GDAP1L1: variants seen among roughly 807,000 people sequenced by gnomAD.
GDAP1L1 encodes ganglioside induced differentiation associated protein 1 like 1, also known as ganglioside-induced differentiation-associated protein 1-like 1.
Under a neutral mutation model 37.1 loss-of-function variants are expected in GDAP1L1, and 21 were observed. That is an observed-to-expected ratio of 0.57 (90% confidence interval 0.40 to 0.81). The LOEUF is 0.81. Among genes scored for constraint, GDAP1L1 ranks in the 40% least tolerant of loss-of-function variants. GDAP1L1 has a pLI of 0.00. For synonymous variants in GDAP1L1, 193 were observed against 209.1 expected, an observed-to-expected ratio of 0.92 and a Z score of 0.67; for missense variants, 362 against 491.6, an observed-to-expected ratio of 0.74 and a Z score of 2.49.
chr20:44,275,700 T>A (rs2062565608), intron 5 of GDAP1L1, among the ~76,000 whole-genome samples: 3 of 152,138 alleles, frequency 2.0e-5, no homozygotes, highest in Admixed American at 1.3e-4. Context: ...ACTTGGACAT[T>A]AAGGTGTAGT....
At chr20:44,276,168 CAAAA>C (rs58388010) in intron 5 of GDAP1L1, among the ~76,000 whole-genome samples, 41,655 of 137,580 alleles carry the variant, frequency 0.3, 6,388 homozygotes, top group East Asian at 0.51. Context: ...GTAAAAATAC[CAAAA>C]AAAAAAAAAA....
chr20:44,278,953 C>G lies in GDAP1L1; in HGVS notation c.761-4C>G. On this transcript the variant is annotated splice_polypyrimidine_tract_variant and splice_region_variant and intron_variant, in intron 5 of 5. Transcript: ENST00000342560. ...CCCCTTGCCTCCTCTTTCTTCCACTCTAGGGCAGAAATGCGAGCTGTGGCT... is the reference window on the plus strand; with the variant it reads ...CCCCTTGCCTCCTCTTTCTTCCACTGTAGGGCAGAAATGCGAGCTGTGGCT... The G allele has an allele frequency of 1.2e-6, 2 of 1,603,564 alleles. No homozygotes were observed. The highest frequency in any genetic ancestry group is 1.7e-6 in the Non-Finnish European group (2 of 1,171,652).
At chr20:44,264,415 C>T in intron 4 of GDAP1L1, 30 bp from the exon 5 acceptor site, 1 of 1,451,788 alleles carries the variant, frequency 6.9e-7, no homozygotes, top group Non-Finnish European at 9.1e-7. Context: ...GAGGCCAACT[C>T]AGCTTCTCTT....
chr20:44,257,247 T>C lies in GDAP1L1; in HGVS notation c.275T>C (p.Leu92Pro), dbSNP rs780664124. ...CACAAGGAGCCCTGGTTCATGCGGC[T>C]CAACCTGGGCGAGGAGGTGCCCGTC... ...SEHKEPWFMR[L>P]NLGEEVPVII... Residue 92 changes from leucine to proline, a missense_variant, in exon 2 of 6, where the codon CTC becomes CCC. By Grantham distance (98) the Leu-to-Pro change is moderately conservative. Around this residue, in one of 2 missense-constraint regions of GDAP1L1, gnomAD observed 277 missense variants for 337.1 expected, o/e 0.82. Transcript: ENST00000342560. The C allele has an allele frequency of 3.1e-5, 50 of 1,613,444 alleles. No individual in the cohort carries two copies. Among genetic ancestry groups the C allele is most frequent in the Non-Finnish European group, 4.2e-5 (49 of 1,179,838 alleles).
chr20:44,264,196 C>G (rs1226479315), intron 4 of GDAP1L1, among the ~76,000 whole-genome samples: 7 of 152,132 alleles, frequency 4.6e-5, no homozygotes, highest in African/African-American at 1.7e-4. Context: ...CAGCTGTGAG[C>G]CACTAGCAGC....
At chr20:44,275,254 A>C (rs1236953065) in intron 5 of GDAP1L1, among the ~76,000 whole-genome samples, 1 of 152,136 alleles carries the variant, frequency 6.6e-6, no homozygotes. Context: ...CCTTCATTAC[A>C]CTTTACCCCT....
intron 1 of GDAP1L1, among the ~76,000 whole-genome samples, chr20:44,248,684 G>A (rs1600522167): frequency 1.3e-5 from 2 of 152,218 alleles, no homozygotes; most frequent in African/African-American, 4.8e-5. Context: ...AAACTTGAGC[G>A]TGCATTAGAG....
chr20:44,263,280 G>A lies in GDAP1L1; in HGVS notation c.598G>A (p.Glu200Lys), dbSNP rs370017468. 1.2e-6 allele frequency: 2 copies of A among 1,613,980 alleles called. No homozygotes were observed. Among genetic ancestry groups the A allele is most frequent in the African/African-American group, 2.7e-5 (2 of 74,908 alleles). Residue 200 changes from glutamate to lysine, a missense_variant, in exon 4 of 6, where the codon GAG becomes AAG. Glu to Lys is a moderately conservative substitution (Grantham distance 56). Coordinates refer to ENST00000342560, the MANE Select transcript of GDAP1L1 (RefSeq NM_024034.6). ...TDLMKLDHEE[E>K]PQLSEPYLSK... ...CCTCATGAAACTGGACCATGAAGAG[G>A]AGCCCCAGCTCTCCGAGCCCTACCT...
In GDAP1L1 at chr20:44,257,260, G is replaced by A; in HGVS notation, c.288G>A (p.Glu96=). ...GGTTCATGCGGCTCAACCTGGGCGA[G>A]GAGGTGCCCGTCATCATCCACCGCG... is the stretch of plus-strand genomic sequence containing the variant. ...EPWFMRLNLG[E]EVPVIIHRDN... is the part of the protein sequence containing the mutation. Residue 96 remains glutamate (E), a synonymous_variant, in exon 2 of 6, where the codon GAG becomes GAA. Transcript: ENST00000342560. 1 of 1,613,858 alleles carries A rather than the reference G, an allele frequency of 6.2e-7. No homozygotes were observed. The highest frequency in any genetic ancestry group is 1.7e-4 in the Middle Eastern group (1 of 6,060).
chr20:44,252,414 C>T (rs113187665), intron 1 of GDAP1L1, among the ~76,000 whole-genome samples: 5 of 152,092 alleles, frequency 3.3e-5, no homozygotes, highest in East Asian at 1.9e-4. Flanking sequence ...CCAAGGCAGG[C>T]GGATCACCTG....
At chr20:44,278,403 CAG>C (rs1023449505) in intron 5 of GDAP1L1, among the ~76,000 whole-genome samples, 4 of 151,930 alleles carry the variant, frequency 2.6e-5, no homozygotes, top group African/African-American at 9.7e-5. Context: ...TTATTTGAGA[CAG>C]AGTCTCACTC....
At chr20:44,257,050 T>C (rs2073564221) in intron 1 of GDAP1L1, 103 bp from the exon 2 acceptor site, 2 of 1,207,940 alleles carry the variant, frequency 1.7e-6, no homozygotes, top group African/African-American at 1.5e-5. Context: ...TGTCCCCTCC[T>C]GTGTGTGACC....
chr20:44,264,284 C>A (rs1568653555), intron 4 of GDAP1L1, among the ~76,000 whole-genome samples, 161 bp from the exon 5 acceptor site: 1 of 151,620 alleles, frequency 6.6e-6, no homozygotes, highest in Non-Finnish European at 1.5e-5. Context: ...CTGTTGTAGG[C>A]ACCAGATGAG....
At chr20:44,252,239 T>C (rs972322646) in intron 1 of GDAP1L1, among the ~76,000 whole-genome samples, 2 of 152,220 alleles carry the variant, frequency 1.3e-5, no homozygotes, top group Non-Finnish European at 2.9e-5. Flanking sequence ...CGGCCAGGCG[T>C]GGTGGCTCAC....
At position 44,264,479 on chromosome 20, in the gene GDAP1L1, T is replaced by C; in HGVS notation, c.680T>C (p.Leu227Pro). 1 of 1,541,290 alleles carries C rather than the reference T, an allele frequency of 6.5e-7. No homozygotes were observed. Among genetic ancestry groups the C allele is most frequent in the Non-Finnish European group, 8.7e-7 (1 of 1,143,834 alleles). The change falls in exon 5 of 6, where the codon CTG (leucine) becomes CCG (proline). Residue 227 changes from leucine (L) to proline (P), a missense_variant. Physicochemically the swap from Leu to Pro is moderately conservative, Grantham distance 98. Transcript: ENST00000342560. ...TTGGAGCATGATGATGTGAGCTACC[T>C]GAAGAAGATCCTCGGGGAACTGGCC... ...KILEHDDVSYLKKILGELAMV... is the reference protein window; with the variant it reads ...KILEHDDVSYPKKILGELAMV...
rs140519115 is a variant in GDAP1L1, at chr20:44,269,795, G to C, written c.760+5236G>C. Among the ~76,000 whole-genome samples the C allele has an allele frequency of 1.8e-3, 279 of 152,266 alleles. 2 individuals carry two copies. Among genetic ancestry groups the C allele is most frequent in the African/African-American group, 6.5e-3 (269 of 41,544 alleles). ...AAATACAAAGAATTAGCCGGGTGTG[G>C]TGGCACGTGCCTGTAATCCCAGCTA... On this transcript the variant is annotated intron_variant, in intron 5 of 5. Transcript: ENST00000342560.
In GDAP1L1 at chr20:44,264,526, G is replaced by A. The variant is rs2073730552; in HGVS notation, c.727G>A (p.Ala243Thr). 1 of 1,605,510 alleles carries A rather than the reference G, an allele frequency of 6.2e-7. No homozygotes were observed. The highest frequency in any genetic ancestry group is 1.1e-5 in the South Asian group (1 of 90,032). Residue 243 changes from alanine to threonine, a missense_variant, in exon 5 of 6, where the codon GCG (alanine) becomes ACG (threonine). Ala to Thr is a moderately conservative substitution (Grantham distance 58). Coordinates refer to ENST00000342560, the MANE Select transcript of GDAP1L1 (RefSeq NM_024034.6). ...GGCCATGGTGCTGGACCAGATTGAG[G>A]CGGAGCTGGAGAAGAGGAAGCTGGA... ...ELAMVLDQIE[A>T]ELEKRKLENE...
intron 1 of GDAP1L1, among the ~76,000 whole-genome samples, chr20:44,247,795 G>C (rs1399577720): frequency 6.6e-6 from 1 of 151,818 alleles, no homozygotes; most frequent in African/African-American, 2.4e-5. Context: ...GGGGCGGGTT[G>C]GGGGGGCTGA....
intron 1 of GDAP1L1, among the ~76,000 whole-genome samples, chr20:44,248,950 G>A (rs2073387804): frequency 6.6e-6 from 1 of 152,296 alleles, no homozygotes; most frequent in South Asian, 2.1e-4. Context: ...GGGCTATTAT[G>A]AGAGTGAAAT....
Sources: allele counts gnomAD v4.1 joint callset (sites outside exome capture counted in the v4.1 genomes callset), GRCh38; gene constraint gnomAD v4.1.1; regional missense constraint gnomAD v4.1.1; transcripts MANE v1.5; gene names NCBI Gene and HGNC (gene_info 2026-07-23, HGNC 2026-07-21).